PRRX1: variants seen among roughly 807,000 people sequenced by gnomAD.
The protein encoded by PRRX1 is paired related homeobox 1.
In PRRX1, 8 loss-of-function variants were observed where a neutral mutation model predicts 24.0. That is an observed-to-expected ratio of 0.33 (90% CI 0.20 to 0.60). PRRX1 has a LOEUF of 0.60. Among genes scored for constraint, PRRX1 ranks in the 20% least tolerant of loss-of-function variants. The probability of loss-of-function intolerance (pLI) is 0.82; values close to 1 mark genes in which losing one functional copy is unlikely to be tolerated. For synonymous variants in PRRX1, 160 were observed against 131.7 expected (o/e 1.22, Z -1.47); for missense variants, 281 against 322.4 (o/e 0.87, Z 0.98).
rs139172441 is a variant in PRRX1 at position 170,682,268 on chromosome 1, G to A, written c.241+17809G>A. ...AACCCCTTCTCCCCTGACCTCTAAG[G>A]TCTGAATTCAATGTTCCTTCTGTGT... On this transcript the variant is annotated intron_variant, in intron 1 of 3. Transcript: ENST00000239461. Among the ~76,000 whole-genome samples the A allele has an allele frequency of 7.3e-5, 11 of 150,306 alleles. No homozygotes were observed. The East Asian group carries it at 2.1e-3, about 29-fold the overall frequency.
At chr1:170,701,977 A>G (rs1383751148) in intron 1 of PRRX1, among the ~76,000 whole-genome samples, 1 of 151,772 alleles carries the variant, frequency 6.6e-6, no homozygotes. Flanking sequence ...GACCGGTTTC[A>G]TGGAAGTCAA....
chr1:170,671,846 A>G (rs1653155432), intron 1 of PRRX1, among the ~76,000 whole-genome samples: 1 of 151,848 alleles, frequency 6.6e-6, no homozygotes, highest in East Asian at 1.9e-4. Context: ...GGCGGAGGAG[A>G]GGGTTTGTCC....
intron 1 of PRRX1, among the ~76,000 whole-genome samples, chr1:170,718,184 A>G (rs1654966227): frequency 6.6e-6 from 1 of 152,224 alleles, no homozygotes; most frequent in Non-Finnish European, 1.5e-5. Flanking sequence ...TTTCCCTGAA[A>G]ACAAACTCAG....
intron 1 of PRRX1, among the ~76,000 whole-genome samples, chr1:170,709,621 A>G (rs1361943630): frequency 2.6e-5 from 4 of 151,760 alleles, no homozygotes; most frequent in Non-Finnish European, 5.9e-5. Flanking sequence ...AGTGCTTTTG[A>G]CTTCTTTCTC....
chr1:170,665,915 A>G (rs894776178), intron 1 of PRRX1, among the ~76,000 whole-genome samples: 3 of 152,222 alleles, frequency 2.0e-5, no homozygotes, highest in East Asian at 1.9e-4. Context: ...AAGGTGGCCA[A>G]CTCTGAGGAA....
At chr1:170,668,053 G>A (rs1451807052) in intron 1 of PRRX1, 2 of 150,384 alleles carry the variant, frequency 1.3e-5, no homozygotes, top group Non-Finnish European at 1.5e-5. Context: ...TCTGTAGAAT[G>A]CTTTCTTTCA....
At chr1:170,672,066 C>G (rs1273797485) in intron 1 of PRRX1, among the ~76,000 whole-genome samples, 1 of 152,072 alleles carries the variant, frequency 6.6e-6, no homozygotes, top group African/African-American at 2.4e-5. Flanking sequence ...TTCCTCCTCA[C>G]GAAAGAACAA....
intron 1 of PRRX1, among the ~76,000 whole-genome samples, chr1:170,689,406 G>A (rs1653853638): frequency 6.6e-6 from 1 of 152,058 alleles, no homozygotes; most frequent in Admixed American, 6.6e-5. Flanking sequence ...TTTACTTAAT[G>A]CAAATGACAA....
intron 1 of PRRX1, among the ~76,000 whole-genome samples, chr1:170,679,120 C>T (rs1331615210): frequency 2.6e-5 from 4 of 152,214 alleles, no homozygotes; most frequent in African/African-American, 9.6e-5. Flanking sequence ...GTGTCAGTCT[C>T]ATCTCTTCAA....
chr1:170,709,865 G>A (rs1036624305), intron 1 of PRRX1, among the ~76,000 whole-genome samples: 4 of 152,178 alleles, frequency 2.6e-5, no homozygotes, highest in African/African-American at 7.2e-5. Context: ...CAAGGCTGAC[G>A]CCACTTGACT....
intron 3 of PRRX1, among the ~76,000 whole-genome samples, chr1:170,735,012 T>A (rs1300629522): frequency 1.3e-5 from 2 of 152,168 alleles, no homozygotes; most frequent in Non-Finnish European, 2.9e-5. Flanking sequence ...TATAAGTCTA[T>A]CTCATTCCAG....
At chr1:170,684,287 AC>A (rs1653655917) in intron 1 of PRRX1, among the ~76,000 whole-genome samples, 1 of 152,136 alleles carries the variant, frequency 6.6e-6, no homozygotes, top group South Asian at 2.1e-4. Flanking sequence ...CTTTTCCAAG[AC>A]AGACATTTTA....
intron 1 of PRRX1, among the ~76,000 whole-genome samples, chr1:170,701,283 T>C (rs517508): frequency 0.077 from 11,655 of 152,292 alleles, 540 homozygotes; most frequent in Middle Eastern, 0.14. Flanking sequence ...TCTGTTTTTC[T>C]TCACTAAATT....
chr1:170,717,660 T>C (rs1365106694), intron 1 of PRRX1, among the ~76,000 whole-genome samples: 1 of 152,038 alleles, frequency 6.6e-6, no homozygotes, highest in East Asian at 1.9e-4. Context: ...CAGATAATTG[T>C]GCTATCACAA....
intron 1 of PRRX1, among the ~76,000 whole-genome samples, chr1:170,670,243 G>A (rs935536999): frequency 2.0e-5 from 3 of 151,944 alleles, no homozygotes; most frequent in Non-Finnish European, 4.4e-5. Flanking sequence ...CTTTAACTCC[G>A]TTTACAGCAA....
chr1:170,696,873 G>T (rs879271522), intron 1 of PRRX1, among the ~76,000 whole-genome samples: 11 of 152,126 alleles, frequency 7.2e-5, no homozygotes, highest in Non-Finnish European at 1.5e-4. Context: ...AGTTAATTTA[G>T]AACACCAATG....
In PRRX1 at chr1:170,719,969, T is replaced by C. The variant is rs1655029309; in HGVS notation, c.417+68T>C. ...TCAGAGGCACATCTCTGAAAACTGT[T>C]TAAAAACACAAATTATAGCCCAGCA... On this transcript the variant is annotated intron_variant, in intron 2 of 3. Coordinates refer to ENST00000239461, the MANE Select transcript of PRRX1 (RefSeq NM_022716.4). 5 of 1,581,426 alleles carry C rather than the reference T, an allele frequency of 3.2e-6. No homozygotes were observed. The South Asian group carries it at 5.5e-5, about 18-fold the overall frequency.
chr1:170,724,415 G>A (rs918972352), intron 2 of PRRX1, among the ~76,000 whole-genome samples: 1 of 152,066 alleles, frequency 6.6e-6, no homozygotes, highest in African/African-American at 2.4e-5. Flanking sequence ...TTATAGTTTG[G>A]GGTTTTATAC....
intron 1 of PRRX1, among the ~76,000 whole-genome samples, chr1:170,701,010 G>A (rs1654339465): frequency 6.6e-6 from 1 of 152,090 alleles, no homozygotes; most frequent in Non-Finnish European, 1.5e-5. Context: ...CTGTTATGAG[G>A]AATAAATGAG....
Sources: allele counts gnomAD v4.1 joint callset (sites outside exome capture counted in the v4.1 genomes callset), GRCh38; gene constraint gnomAD v4.1.1; transcripts MANE v1.5; gene names NCBI Gene and HGNC (gene_info 2026-07-23, HGNC 2026-07-21).